BNIP1: variants seen among roughly 807,000 people sequenced by gnomAD.
BNIP1 encodes BCL2 interacting protein 1, also known as vesicle transport protein SEC20.
A neutral mutation model predicts 28.5 loss-of-function variants in BNIP1; 25 were observed. The ratio of observed to expected loss-of-function variants is 0.88; its 90% CI spans 0.64 to 1.23. The LOEUF (loss-of-function observed/expected upper bound fraction) is 1.23. BNIP1 is among the 50% of genes most tolerant of loss of function. The probability of loss-of-function intolerance (pLI) is 0.00; values close to 1 mark genes in which losing one functional copy is unlikely to be tolerated. For synonymous variants in BNIP1, 118 were observed against 101.7 expected, an observed-to-expected ratio of 1.16 and a Z score of -0.96; for missense variants, 276 against 277.0, an observed-to-expected ratio of 1.00 and a Z score of 0.02.
intron 1 of BNIP1, among the ~76,000 whole-genome samples, chr5:173,146,141 C>T (rs1364235499): frequency 2.0e-5 from 3 of 152,234 alleles, no homozygotes; most frequent in African/African-American, 7.2e-5. Flanking sequence ...TTACCGTTTT[C>T]CAGCAGCTCT....
intron 5 of BNIP1, among the ~76,000 whole-genome samples, chr5:173,160,554 G>T (rs907101509): frequency 2.6e-5 from 4 of 152,068 alleles, no homozygotes; most frequent in African/African-American, 9.7e-5. Context: ...TTTACTAGAA[G>T]ACCCCACACC....
chr5:173,162,351 C>T (rs768506731), intron 5 of BNIP1, among the ~76,000 whole-genome samples: 17 of 152,136 alleles, frequency 1.1e-4, no homozygotes, highest in African/African-American at 3.6e-4. Flanking sequence ...TGGCCAGGCG[C>T]GGTGGCTCAT....
chr5:173,163,954 C>A lies in BNIP1; in HGVS notation c.*33C>A. The A allele has an allele frequency of 6.4e-7, 1 of 1,553,306 alleles. No individual in the cohort carries two copies. The highest frequency in any genetic ancestry group is 8.7e-7 in the Non-Finnish European group (1 of 1,147,426). On this transcript the variant is annotated 3_prime_UTR_variant, in exon 6 of 6. Coordinates refer to ENST00000351486, the MANE Select transcript of BNIP1 (RefSeq NM_001205.3). The stretch of plus-strand genomic sequence containing the variant: ...AAGGTGCCAGTTCTGGCCCTTTCAG[C>A]TCCTGTTTCAGGATCTGTCCTGGTT...
intron 2 of BNIP1, among the ~76,000 whole-genome samples, chr5:173,152,025 G>A (rs796992578): frequency 2.0e-5 from 3 of 152,228 alleles, no homozygotes; most frequent in African/African-American, 7.2e-5. Context: ...CTCAAAACTG[G>A]GTGTTCTGCA....
At chr5:173,148,070 A>G (rs1298109251) in intron 2 of BNIP1, among the ~76,000 whole-genome samples, 2 of 43,162 alleles carry the variant, frequency 4.6e-5, no homozygotes, top group African/African-American at 2.2e-4. Context: ...GTCAAAAAAA[A>G]AAAAAAAAAA....
In BNIP1 at chr5:173,164,175, C is replaced by G. The variant is rs1462374271; in HGVS notation, c.*254C>G. On this transcript the variant is annotated 3_prime_UTR_variant, in exon 6 of 6. Transcript: ENST00000351486. This position sits in a 1 kb window ranked among gnomAD's most constrained non-coding sequence, Gnocchi z 4.0. The stretch of plus-strand genomic sequence containing the variant: ...AACCGCCTCCTTCCACCATTGTGCA[C>G]TATGGGAGGCCGCTGCTGCGTGGAG... The G allele has an allele frequency of 5.8e-6, 2 of 345,758 alleles. No homozygotes were observed. The highest frequency in any genetic ancestry group is 1.0e-5 in the Non-Finnish European group (2 of 192,476). 21.4% of individuals were successfully genotyped at this position (345,758 alleles called of 1,614,324 possible).
At chr5:173,154,918 A>G (rs1411957526) in intron 3 of BNIP1, among the ~76,000 whole-genome samples, 2 of 152,208 alleles carry the variant, frequency 1.3e-5, no homozygotes, top group African/African-American at 4.8e-5. Flanking sequence ...CTATCTGAGC[A>G]GGTGGAGCTG....
chr5:173,157,846 A>T (rs924960216), intron 3 of BNIP1, among the ~76,000 whole-genome samples: 1 of 151,958 alleles, frequency 6.6e-6, no homozygotes, highest in Non-Finnish European at 1.5e-5. Flanking sequence ...TGTGTCATTC[A>T]TGATTGGTCT....
At chr5:173,151,644 T>C in intron 2 of BNIP1, 1 of 1,614,152 alleles carries the variant, frequency 6.2e-7, no homozygotes, top group Non-Finnish European at 8.5e-7. Flanking sequence ...GACAGACTTT[T>C]CTTCAACTCA....
In BNIP1 at chr5:173,155,672, G is replaced by C. The variant is rs551090190; in HGVS notation, c.269+1259G>C. Reference sequence around the variant, plus strand: ...GAGATTGCTGCACTCCAGCCTGGGTGACAGAGTGAGACTCCACCTTAAAAA... The same window carrying C: ...GAGATTGCTGCACTCCAGCCTGGGTCACAGAGTGAGACTCCACCTTAAAAA... On this transcript the variant is annotated intron_variant, in intron 3 of 5. Transcript: ENST00000351486. Among the ~76,000 whole-genome samples, 4 of 152,044 alleles carry C rather than the reference G, an allele frequency of 2.6e-5. No homozygotes were observed. In the South Asian group the frequency reaches 8.3e-4, roughly 32 times the overall value.
At chr5:173,146,017 A>G (rs930643164) in intron 1 of BNIP1, among the ~76,000 whole-genome samples, 8 of 152,374 alleles carry the variant, frequency 5.3e-5, no homozygotes, top group East Asian at 3.9e-4. Flanking sequence ...TACAAATGAA[A>G]TTACATTTTC....
intron 4 of BNIP1, among the ~76,000 whole-genome samples, 174 bp from the exon 5 acceptor site, chr5:173,159,759 A>G (rs1180325789): frequency 1.3e-5 from 2 of 152,214 alleles, no homozygotes; most frequent in African/African-American, 4.8e-5. Flanking sequence ...TGTTCCTACT[A>G]GCAGTCCACA....
rs563673695 is a variant in BNIP1 at position 173,160,077 on chromosome 5, C to T, written c.490+26C>T. On this transcript the variant is annotated intron_variant, in intron 5 of 5. Coordinates refer to ENST00000351486, the MANE Select transcript of BNIP1 (RefSeq NM_001205.3). ...GTAAAGCTGGGCCTGGAGTAGGAAG[C>T]TTCTCCCAGAGACGCTGCTCTAGGG... 6 of 1,605,282 alleles carry T rather than the reference C, an allele frequency of 3.7e-6. No homozygotes were observed. In the East Asian group the frequency reaches 8.9e-5, roughly 24 times the overall value.
intron 5 of BNIP1, among the ~76,000 whole-genome samples, chr5:173,163,498 T>G (rs1760421980): frequency 2.0e-5 from 3 of 152,154 alleles, no homozygotes; most frequent in African/African-American, 4.8e-5. Context: ...GTGACGCTCA[T>G]GTTCAAGGAC....
At chr5:173,159,809 T>G (rs1760308971) in intron 4 of BNIP1, 124 bp from the exon 5 acceptor site, 9 of 839,902 alleles carry the variant, frequency 1.1e-5, no homozygotes, top group Admixed American at 4.3e-5. Context: ...GCATTGAATG[T>G]GATCATTTAA....
Position 173,154,423 on chromosome 5 carries a change from G to T in BNIP1, c.269+10G>T. 6 of 1,602,146 alleles carry T rather than the reference G, an allele frequency of 3.7e-6. No homozygotes were observed. The highest frequency in any genetic ancestry group is 5.1e-6 in the Non-Finnish European group (6 of 1,173,596). ...AAAAGCAGATGCTCAGGTAGGCAGGGCCTGCCCCCGCCAGCGGCTTCTGCT... is the reference window on the plus strand; with the variant it reads ...AAAAGCAGATGCTCAGGTAGGCAGGTCCTGCCCCCGCCAGCGGCTTCTGCT... On this transcript the variant is annotated intron_variant, in intron 3 of 5. Transcript: ENST00000351486.
intron 1 of BNIP1, among the ~76,000 whole-genome samples, chr5:173,145,354 C>T (rs1759800824): frequency 1.3e-5 from 2 of 151,826 alleles, no homozygotes; most frequent in African/African-American, 4.8e-5. Context: ...AGACACGGTT[C>T]CATGAGTTCA....
chr5:173,162,220 A>G (rs1760382214), intron 5 of BNIP1, among the ~76,000 whole-genome samples: 1 of 152,244 alleles, frequency 6.6e-6, no homozygotes. Context: ...TTTTAGTAAG[A>G]TGTTTATTTA....
chr5:173,149,993 C>T (rs1303584845), intron 2 of BNIP1, among the ~76,000 whole-genome samples: 1 of 152,238 alleles, frequency 6.6e-6, no homozygotes, highest in African/African-American at 2.4e-5. Context: ...CACAGTGGCT[C>T]ACGCCTGTAA....
Sources: gnomAD v4.1 joint callset for allele counts (sites outside exome capture counted in the v4.1 genomes callset) on GRCh38, gnomAD v4.1.1 for gene constraint, Gnocchi (gnomAD v3.1) non-coding constraint, MANE v1.5 for transcripts, NCBI Gene and HGNC (gene_info 2026-07-23, HGNC 2026-07-21) for gene names.